UGGT2: variants seen among roughly 807,000 people sequenced by gnomAD.
The protein encoded by UGGT2 is UDP-glucose glycoprotein glucosyltransferase 2.
A neutral mutation model predicts 192.1 loss-of-function variants in UGGT2; 180 were observed. The ratio of observed to expected loss-of-function variants is 0.94; its 90% CI spans 0.83 to 1.06. The LOEUF (loss-of-function observed/expected upper bound fraction) is 1.06. Ranked by LOEUF, UGGT2 falls within the 50% of genes least tolerant of loss-of-function variation. UGGT2 has a pLI of 0.00. For synonymous variants in UGGT2, 580 were observed against 591.0 expected, an observed-to-expected ratio of 0.98 and a Z score of 0.27; for missense variants, 1,849 against 1,795.7, an observed-to-expected ratio of 1.03 and a Z score of -0.54.
intron 8 of UGGT2, among the ~76,000 whole-genome samples, chr13:95,987,868 C>G (rs1019078974): frequency 6.6e-6 from 1 of 152,082 alleles, no homozygotes; most frequent in African/African-American, 2.4e-5. Flanking sequence ...GCTCCGGGCC[C>G]CCAAAAGGCT....
At chr13:95,893,630 T>C (rs965722365) in intron 24 of UGGT2, among the ~76,000 whole-genome samples, 1 of 152,206 alleles carries the variant, frequency 6.6e-6, no homozygotes, top group African/African-American at 2.4e-5. Context: ...ACCGTATTTA[T>C]ATTATTATCT....
chr13:95,889,024 TGCCCAG>T (rs1341665927), intron 25 of UGGT2, among the ~76,000 whole-genome samples: 1 of 152,160 alleles, frequency 6.6e-6, no homozygotes, highest in Non-Finnish European at 1.5e-5. Context: ...CTTGCTATGT[TGCCCAG>T]GCTGGTCTTG....
chr13:95,873,249 T>C (rs1189741724), intron 29 of UGGT2, among the ~76,000 whole-genome samples: 4 of 152,260 alleles, frequency 2.6e-5, no homozygotes, highest in African/African-American at 7.2e-5. Context: ...TCAATATAAA[T>C]GTTACAGCCT....
At chr13:95,981,604 C>T (rs1160577303) in intron 10 of UGGT2, among the ~76,000 whole-genome samples, 1 of 152,046 alleles carries the variant, frequency 6.6e-6, no homozygotes, top group Non-Finnish European at 1.5e-5. Context: ...AAATAAACTG[C>T]AGCATGAGAA....
intron 25 of UGGT2, among the ~76,000 whole-genome samples, chr13:95,888,401 T>C (rs1435458637): frequency 1.3e-5 from 2 of 152,226 alleles, no homozygotes; most frequent in African/African-American, 4.8e-5. Context: ...ATAAATACTT[T>C]CTTTTCATTT....
At chr13:95,964,621 T>A (rs2050508119) in intron 12 of UGGT2, among the ~76,000 whole-genome samples, 1 of 152,134 alleles carries the variant, frequency 6.6e-6, no homozygotes, top group Non-Finnish European at 1.5e-5. Context: ...ATAAACAATC[T>A]TATTTTTAAA....
chr13:95,879,963 A>G (rs2047447055), intron 27 of UGGT2, among the ~76,000 whole-genome samples: 1 of 152,156 alleles, frequency 6.6e-6, no homozygotes, highest in Admixed American at 6.5e-5. Context: ...ACATAGGTAC[A>G]CACATGCCGT....
chr13:96,042,748 A>G (rs1282274660), intron 1 of UGGT2, among the ~76,000 whole-genome samples: 1 of 152,172 alleles, frequency 6.6e-6, no homozygotes, highest in Non-Finnish European at 1.5e-5. Context: ...GAATCAAATA[A>G]GCAGAAGAAA....
At chr13:95,835,698 TAC>T (rs1283427142) in intron 37 of UGGT2, among the ~76,000 whole-genome samples, 4 of 152,198 alleles carry the variant, frequency 2.6e-5, no homozygotes, top group Admixed American at 6.5e-5. Flanking sequence ...AACAATTTTC[TAC>T]ACTTAGCACA....
At chr13:95,912,141 G>A (rs2140349321) in intron 20 of UGGT2, among the ~76,000 whole-genome samples, 1 of 152,246 alleles carries the variant, frequency 6.6e-6, no homozygotes, top group East Asian at 1.9e-4. Context: ...TACTGAATGG[G>A]CAAAAACTGG....
chr13:95,859,585 A>T lies in UGGT2; in HGVS notation c.3825+6T>A. On this transcript the variant is annotated splice_donor_region_variant and intron_variant, in intron 33 of 38. Coordinates refer to ENST00000376747, the MANE Select transcript of UGGT2 (RefSeq NM_020121.4). Reference sequence around the variant, plus strand: ...AACCATTCTACAAAAAAAGCTATGTACTTACTTTAAATGTCGGTGAGAGAT... The same window carrying T: ...AACCATTCTACAAAAAAAGCTATGTTCTTACTTTAAATGTCGGTGAGAGAT... 8.7e-6 allele frequency: 14 copies of T among 1,603,988 alleles called. No homozygotes were observed. The highest frequency in any genetic ancestry group is 1.2e-5 in the Non-Finnish European group (14 of 1,173,264).
At chr13:96,023,497 A>T (rs1467738626) in intron 3 of UGGT2, 132 bp downstream of exon 3, 3 of 826,912 alleles carry the variant, frequency 3.6e-6, no homozygotes, top group East Asian at 6.4e-5. Context: ...ATAATAATAT[A>T]ATCAATGATA....
intron 20 of UGGT2, among the ~76,000 whole-genome samples, chr13:95,924,393 CTTTTTTTTTTTT>C (rs59757283): frequency 0.026 from 1,649 of 63,482 alleles, 39 homozygotes; most frequent in African/African-American, 0.071. Flanking sequence ...TCCCAAACAG[CTTTTTTTTTTTT>C]TTTTTTTTTT....
chr13:95,893,580 CAG>C (rs71789373), intron 24 of UGGT2, among the ~76,000 whole-genome samples: 55,416 of 151,836 alleles, frequency 0.36, 10,407 homozygotes, highest in Middle Eastern at 0.42. Context: ...AATTCAATAA[CAG>C]AGTGTGACTT....
intron 15 of UGGT2, among the ~76,000 whole-genome samples, chr13:95,942,575 A>G (rs1285164550): frequency 6.6e-6 from 1 of 152,074 alleles, no homozygotes; most frequent in African/African-American, 2.4e-5. Flanking sequence ...TAATTTCAGT[A>G]TATTTTTATT....
intron 36 of UGGT2, among the ~76,000 whole-genome samples, chr13:95,851,458 T>C (rs185241433): frequency 3.9e-4 from 60 of 152,198 alleles, no homozygotes; most frequent in African/African-American, 1.4e-3. Context: ...ATGTAGAGAA[T>C]AGCAACATTT....
At chr13:95,994,028 T>C (rs2051540128) in intron 7 of UGGT2, among the ~76,000 whole-genome samples, 1 of 152,124 alleles carries the variant, frequency 6.6e-6, no homozygotes, top group Non-Finnish European at 1.5e-5. Flanking sequence ...AATGGTAATC[T>C]GTAGTACAGA....
intron 38 of UGGT2, among the ~76,000 whole-genome samples, chr13:95,818,264 G>A (rs1021435744): frequency 2.0e-4 from 31 of 152,228 alleles, no homozygotes; most frequent in Admixed American, 2.0e-3. Context: ...AATGAGCCAT[G>A]ACTATGCACT....
intron 10 of UGGT2, 44 bp from the exon 11 acceptor site, chr13:95,972,715 A>T (rs754982733): frequency 6.9e-7 from 1 of 1,443,676 alleles, no homozygotes; most frequent in South Asian, 1.2e-5. Context: ...ATAGAACAAT[A>T]GTGACCTATA....
Sources: gnomAD v4.1 joint callset for allele counts (sites outside exome capture counted in the v4.1 genomes callset) on GRCh38, gnomAD v4.1.1 for gene constraint, MANE v1.5 for transcripts, NCBI Gene and HGNC (gene_info 2026-07-23, HGNC 2026-07-21) for gene names.